MAGI2: variants seen among roughly 807,000 people sequenced by gnomAD.
MAGI2 encodes the protein membrane-associated guanylate kinase, WW and PDZ domain-containing protein 2.
In MAGI2, 35 loss-of-function variants were observed where a neutral mutation model predicts 133.3. The ratio of observed to expected loss-of-function variants is 0.26; its 90% CI spans 0.20 to 0.35. The LOEUF is 0.35. Among genes scored for constraint, MAGI2 ranks in the 10% least tolerant of loss-of-function variants. The pLI is 1.00. For synonymous variants in MAGI2, 729 were observed against 710.6 expected, an observed-to-expected ratio of 1.03 and a Z score of -0.41; for missense variants, 1,636 against 1,863.4, an observed-to-expected ratio of 0.88 and a Z score of 2.25.
intron 1 of MAGI2, among the ~76,000 whole-genome samples, chr7:79,317,882 G>A (rs1158870616): frequency 1.3e-5 from 2 of 152,126 alleles, no homozygotes; most frequent in Non-Finnish European, 2.9e-5. Flanking sequence ...CCAGCAGCAT[G>A]TCAGTTCAGT....
At chr7:78,336,525 C>A (rs1284545013) in intron 9 of MAGI2, among the ~76,000 whole-genome samples, 1 of 152,098 alleles carries the variant, frequency 6.6e-6, no homozygotes, top group Non-Finnish European at 1.5e-5. Flanking sequence ...GAGTTTGAGA[C>A]CAGCCTAGGC....
chr7:78,981,300 G>A (rs748057011), intron 2 of MAGI2, among the ~76,000 whole-genome samples: 1 of 151,292 alleles, frequency 6.6e-6, no homozygotes, highest in African/African-American at 2.4e-5. Context: ...TCTCCTTGTC[G>A]TAACTTCCCT....
At chr7:78,584,843 G>A (rs932301242) in intron 3 of MAGI2, among the ~76,000 whole-genome samples, 8 of 152,128 alleles carry the variant, frequency 5.3e-5, no homozygotes, top group African/African-American at 1.9e-4. Context: ...TGGCTTAGCT[G>A]TTTAATGGCA....
chr7:79,353,283 T>C (rs1841808445), intron 1 of MAGI2: 1 of 325,002 alleles, frequency 3.1e-6, no homozygotes, highest in African/African-American at 2.2e-5. Context: ...GCAGGGTGGT[T>C]TCCCAACACC....
At chr7:78,429,521 G>C (rs554001740) in intron 6 of MAGI2, among the ~76,000 whole-genome samples, 1 of 151,938 alleles carries the variant, frequency 6.6e-6, no homozygotes, top group Admixed American at 6.6e-5. Context: ...CTGATAAAGG[G>C]ATTAAACCCA....
intron 1 of MAGI2, among the ~76,000 whole-genome samples, chr7:79,400,633 T>C (rs1194563191): frequency 1.3e-5 from 2 of 152,210 alleles, no homozygotes; most frequent in Non-Finnish European, 2.9e-5. Flanking sequence ...CTTGTCATGA[T>C]ATACATTGTA....
At chr7:78,545,456 C>T (rs1325529730) in intron 3 of MAGI2, among the ~76,000 whole-genome samples, 1 of 152,112 alleles carries the variant, frequency 6.6e-6, no homozygotes, top group East Asian at 1.9e-4. Context: ...CAGTGATCCA[C>T]TCACCTCAGC....
At chr7:79,218,220 T>TA (rs1830182206) in intron 1 of MAGI2, among the ~76,000 whole-genome samples, 2 of 152,132 alleles carry the variant, frequency 1.3e-5, no homozygotes, top group African/African-American at 4.8e-5. Context: ...TTCCATGACC[T>TA]TATATATAAT....
At chr7:79,221,986 A>T (rs187991602) in intron 1 of MAGI2, among the ~76,000 whole-genome samples, 4 of 152,214 alleles carry the variant, frequency 2.6e-5, no homozygotes, top group Admixed American at 2.6e-4. Context: ...GACAACTATT[A>T]TATATAAAAC....
At chr7:78,770,768 G>A (rs1345756525) in intron 2 of MAGI2, 1 of 152,226 alleles carries the variant, frequency 6.6e-6, no homozygotes, top group Non-Finnish European at 1.5e-5. Flanking sequence ...GAGCAGAAGG[G>A]TTTGGAGGCT....
chr7:79,043,316 G>A (rs886785420), intron 1 of MAGI2, among the ~76,000 whole-genome samples: 1 of 151,760 alleles, frequency 6.6e-6, no homozygotes, highest in African/African-American at 2.4e-5. Flanking sequence ...AGGCTGAGGT[G>A]GGTGGATCAC....
chr7:78,251,933 G>A (rs1277171461), intron 10 of MAGI2: 1 of 152,086 alleles, frequency 6.6e-6, no homozygotes, highest in Non-Finnish European at 1.5e-5. Flanking sequence ...GTGAGCCCAG[G>A]AGCTCTAGAC....
intron 2 of MAGI2, among the ~76,000 whole-genome samples, chr7:78,742,074 C>A (rs10485920): frequency 0.081 from 12,255 of 151,632 alleles, 708 homozygotes; most frequent in East Asian, 0.24. Context: ...TTGGGTAGAA[C>A]CGTACATGTA....
At chr7:78,411,158 A>C (rs570109592) in intron 6 of MAGI2, among the ~76,000 whole-genome samples, 2 of 152,168 alleles carry the variant, frequency 1.3e-5, no homozygotes, top group East Asian at 3.9e-4. Flanking sequence ...TAAAGAAATG[A>C]GCCCTATGTA....
chr7:78,272,770 T>A (rs574666004), intron 9 of MAGI2, among the ~76,000 whole-genome samples: 1 of 152,150 alleles, frequency 6.6e-6, no homozygotes, highest in Non-Finnish European at 1.5e-5. Flanking sequence ...AACCCCTGCT[T>A]TTTTTTGCTT....
chr7:78,536,973 C>T (rs925828361), intron 3 of MAGI2, among the ~76,000 whole-genome samples: 7 of 151,990 alleles, frequency 4.6e-5, no homozygotes, highest in African/African-American at 1.2e-4. Context: ...TCCATGCTTC[C>T]CCCTGAGTCC....
intron 6 of MAGI2, among the ~76,000 whole-genome samples, chr7:78,473,704 C>T (rs1454332752): frequency 6.6e-6 from 1 of 151,960 alleles, no homozygotes; most frequent in Non-Finnish European, 1.5e-5. Flanking sequence ...TACATACACA[C>T]ATATTTCTTC....
intron 21 of MAGI2, among the ~76,000 whole-genome samples, chr7:78,076,454 CAAAA>C (rs55957020): frequency 1.1e-5 from 1 of 90,406 alleles, no homozygotes. Context: ...GACCTTGTTT[CAAAA>C]AAAAAAAAAA....
chr7:79,326,841 C>T (rs1026650194), intron 1 of MAGI2, among the ~76,000 whole-genome samples: 4 of 151,992 alleles, frequency 2.6e-5, no homozygotes, highest in Admixed American at 1.3e-4. Context: ...CCTCGTGCAC[C>T]AAGTCCTCTT....
Sources: allele counts gnomAD v4.1 joint callset (sites outside exome capture counted in the v4.1 genomes callset), GRCh38; gene constraint gnomAD v4.1.1; transcripts MANE v1.5; gene names NCBI Gene and HGNC (gene_info 2026-07-23, HGNC 2026-07-21).